The following ZNF503 variants were observed in gnomAD, a reference collection of about 807,000 sequenced individuals.
ZNF503 encodes the protein NocA-like zinc finger 2.
ZNF503 carries 15 observed loss-of-function variants against 34.4 expected under a neutral mutation model. The observed-to-expected ratio is 0.44, with a 90% CI of 0.29 to 0.67. The LOEUF (loss-of-function observed/expected upper bound fraction) is 0.67, where lower values mean the gene tolerates loss of function less well. ZNF503 is among the 30% of genes least tolerant of loss of function. ZNF503 has a pLI of 0.13. For missense variants in ZNF503, 1,007 were observed against 926.8 expected (o/e 1.09, Z -1.12); for synonymous variants, 580 against 456.8 (o/e 1.27, Z -3.44).
the ZNF503 span, among the ~76,000 whole-genome samples, chr10:75,312,127 T>C: frequency 6.6e-6 from 1 of 152,070 alleles, no homozygotes; most frequent in African/African-American, 2.4e-5. Flanking sequence ...GCCTCCCATC[T>C]ACCCAGAAGG....
chr10:75,369,677 A>C, the ZNF503 span, among the ~76,000 whole-genome samples: 4 of 152,376 alleles, frequency 2.6e-5, no homozygotes, highest in South Asian at 6.2e-4. Context: ...ATAGTTTTTG[A>C]AAAGCTAATT....
chr10:75,355,576 G>C, the ZNF503 span, among the ~76,000 whole-genome samples: 2 of 152,102 alleles, frequency 1.3e-5, no homozygotes, highest in African/African-American at 4.8e-5. Flanking sequence ...TCAACATCTA[G>C]GTCAGAGTTC....
chr10:75,290,163 G>T, the ZNF503 span, among the ~76,000 whole-genome samples: 1 of 152,140 alleles, frequency 6.6e-6, no homozygotes, highest in African/African-American at 2.4e-5. Flanking sequence ...TCATGTTGCA[G>T]AATTCCCTTC....
the ZNF503 span, among the ~76,000 whole-genome samples, chr10:75,372,413 G>C: frequency 6.6e-6 from 1 of 152,158 alleles, no homozygotes; most frequent in Non-Finnish European, 1.5e-5. Flanking sequence ...TTGTGATTGG[G>C]CTCGTCTACT....
At chr10:75,391,129 G>T in the ZNF503 span, among the ~76,000 whole-genome samples, 8 of 151,048 alleles carry the variant, frequency 5.3e-5, no homozygotes, top group East Asian at 2.0e-4. Context: ...TGAATTTTTT[G>T]GGGGACACAC....
At chr10:75,293,988 GGTCT>G in the ZNF503 span, among the ~76,000 whole-genome samples, 1 of 152,090 alleles carries the variant, frequency 6.6e-6, no homozygotes, top group South Asian at 2.1e-4. Flanking sequence ...TGGCAGGGGT[GGTCT>G]GTATGTGACA....
chr10:75,401,243 G>A lies in ZNF503; in HGVS notation c.177C>T (p.Ala59=). The A allele has an allele frequency of 1.9e-6, 3 of 1,607,452 alleles. 1 individual carries two copies. The East Asian group carries it at 6.7e-5, about 36-fold the overall frequency. The change falls in exon 1 of 2, where the codon GCC becomes GCT. Residue 59 remains alanine, a synonymous_variant. Coordinates refer to ENST00000372524, the MANE Select transcript of ZNF503 (RefSeq NM_032772.6). ...GGCGCAGGGGGTCAGAGGGGGGCACGGCGTGCACAAAAGGCTTGGTGCTGC... is the reference window on the plus strand; with the variant it reads ...GGCGCAGGGGGTCAGAGGGGGGCACAGCGTGCACAAAAGGCTTGGTGCTGC... ...PAGSTKPFVH[A]VPPSDPLRQA...
upstream of ZNF503, chr10:75,401,805 A>G (rs1042669397): frequency 8.2e-6 from 2 of 242,606 alleles, no homozygotes; most frequent in Non-Finnish European, 1.6e-5. Context: ...ACCAAGGGGG[A>G]GATTAAAGCC....
At chr10:75,366,126 C>T in the ZNF503 span, among the ~76,000 whole-genome samples, 1 of 152,230 alleles carries the variant, frequency 6.6e-6, no homozygotes, top group East Asian at 1.9e-4. Flanking sequence ...ATCTGTGCCC[C>T]CCAAAAGATT....
the ZNF503 span, among the ~76,000 whole-genome samples, chr10:75,329,026 C>T: frequency 6.6e-6 from 1 of 152,090 alleles, no homozygotes; most frequent in Non-Finnish European, 1.5e-5. Flanking sequence ...GGATTATAGG[C>T]GTGAGCCACC....
At chr10:75,395,243 C>T (rs1843683288), downstream of ZNF503, among the ~76,000 whole-genome samples, 1 of 152,210 alleles carries the variant, frequency 6.6e-6, no homozygotes. This position sits in a 1 kb window ranked among gnomAD's most constrained non-coding sequence, Gnocchi z 4.4. Context: ...TGGGCCAATC[C>T]TCTGGACAGG....
chr10:75,377,738 T>A, the ZNF503 span, among the ~76,000 whole-genome samples: 1 of 152,204 alleles, frequency 6.6e-6, no homozygotes, highest in Admixed American at 6.5e-5. Flanking sequence ...GGGAATACCA[T>A]TGTGCAATGC....
At chr10:75,369,362 G>A in the ZNF503 span, among the ~76,000 whole-genome samples, 1 of 152,188 alleles carries the variant, frequency 6.6e-6, no homozygotes, top group Non-Finnish European at 1.5e-5. Context: ...ACAAGGTGGA[G>A]ATAATTGAAT....
chr10:75,317,597 T>C, the ZNF503 span, among the ~76,000 whole-genome samples: 1 of 152,104 alleles, frequency 6.6e-6, no homozygotes, highest in Non-Finnish European at 1.5e-5. Flanking sequence ...CATTTCTTAA[T>C]ATGGTTACAA....
the ZNF503 span, among the ~76,000 whole-genome samples, chr10:75,359,224 C>T: frequency 6.6e-6 from 1 of 152,216 alleles, no homozygotes; most frequent in Non-Finnish European, 1.5e-5. Flanking sequence ...CTTTGTGGTG[C>T]CCCTGACCCT....
the ZNF503 span, chr10:75,360,956 G>A: frequency 6.6e-6 from 1 of 152,228 alleles, no homozygotes; most frequent in Non-Finnish European, 1.5e-5. Flanking sequence ...CTTGGGTGTG[G>A]GGAGACCTCT....
chr10:75,401,475 G>C lies in ZNF503; in HGVS notation c.-56C>G. On this transcript the variant is annotated 5_prime_UTR_variant, in exon 1 of 2. Transcript: ENST00000372524. ...GGGAGGGCTCCGGGAGGCGCGGGGC[G>C]GGCTCGGGGCTGCGCGCTCGCCCCG... The C allele has an allele frequency of 6.7e-7, 1 of 1,483,792 alleles. No homozygotes were observed. Among genetic ancestry groups the C allele is most frequent in the African/African-American group, 1.5e-5 (1 of 67,838 alleles). The allele number at this position is 1,483,792 out of a possible 1,614,324, so 91.9% of individuals were successfully genotyped here. A position where few individuals can be genotyped will look rare whatever the true frequency, so the allele number is the denominator to read the frequency against.
intron 1 of ZNF503, chr10:75,400,861 A>C (rs1171647159): frequency 4.8e-6 from 3 of 621,512 alleles, no homozygotes; most frequent in East Asian, 2.9e-5. Flanking sequence ...GGGTCGGGGT[A>C]GGGGCTTTCA....
the ZNF503 span, among the ~76,000 whole-genome samples, chr10:75,319,582 G>A: frequency 1.3e-5 from 2 of 152,120 alleles, no homozygotes. Flanking sequence ...AGACAGAAAA[G>A]AGATAAAAAA....
Sources: allele counts gnomAD v4.1 joint callset (sites outside exome capture counted in the v4.1 genomes callset), GRCh38; gene constraint gnomAD v4.1.1; non-coding constraint Gnocchi (gnomAD v3.1); transcripts MANE v1.5; gene names NCBI Gene and HGNC (gene_info 2026-07-23, HGNC 2026-07-21).